NBEAL1: variants seen among roughly 807,000 people sequenced by gnomAD.
NBEAL1 encodes the protein neurobeachin like 1.
Under a neutral mutation model 351.3 loss-of-function variants are expected in NBEAL1, and 273 were observed. The ratio of observed to expected loss-of-function variants is 0.78; its 90% confidence interval spans 0.70 to 0.86. The LOEUF (loss-of-function observed/expected upper bound fraction) is 0.86. Among genes scored for constraint, NBEAL1 ranks in the 40% least tolerant of loss-of-function variants. NBEAL1 has a pLI of 0.00. For synonymous variants in NBEAL1, 1,050 were observed against 1,086.4 expected (o/e 0.97, Z 0.66); for missense variants, 2,961 against 3,201.3 (o/e 0.92, Z 1.81).
chr2:203,133,042 G>T lies in NBEAL1; in HGVS notation c.3725-16G>T. ...CTCTGGTATTTAATTTTAACTTTTT[G>T]TTTTTCCTACCATAGATCCTGTTAT... On this transcript the variant is annotated splice_polypyrimidine_tract_variant and intron_variant, in intron 26 of 55. Transcript: ENST00000683969. 1.6e-6 allele frequency: 2 copies of T among 1,253,690 alleles called. No homozygotes were observed. Among genetic ancestry groups the T allele is most frequent in the South Asian group, 1.4e-5 (1 of 69,634 alleles). 77.7% of individuals were successfully genotyped at this position (1,253,690 alleles called of 1,614,324 possible). A position where few individuals can be genotyped will look rare whatever the true frequency, so the allele number is the denominator to read the frequency against.
chr2:203,109,511 A>T (rs1037126160), intron 14 of NBEAL1, among the ~76,000 whole-genome samples: 1 of 152,040 alleles, frequency 6.6e-6, no homozygotes, highest in Non-Finnish European at 1.5e-5. Flanking sequence ...ACTACTTTTT[A>T]ATATGTCTTG....
At chr2:203,166,439 T>G in intron 37 of NBEAL1, 142 bp downstream of exon 37, 1 of 730,452 alleles carries the variant, frequency 1.4e-6, no homozygotes, top group Non-Finnish European at 2.2e-6. Context: ...GTCAAATTTG[T>G]TATTCACCAA....
chr2:203,174,980 T>C (rs1041259236), intron 41 of NBEAL1, among the ~76,000 whole-genome samples, 167 bp from the exon 42 acceptor site: 14 of 152,138 alleles, frequency 9.2e-5, no homozygotes, highest in African/African-American at 3.4e-4. Flanking sequence ...AAAATTTTTT[T>C]CGTTTTCTAG....
At position 203,166,298 on chromosome 2, in the gene NBEAL1, G is replaced by A. The variant is rs765592381; in HGVS notation, c.5863+1G>A. On this transcript the variant is annotated splice_donor_variant, in intron 37 of 55. Coordinates refer to ENST00000683969, the MANE Select transcript of NBEAL1 (RefSeq NM_001378026.1). LOFTEE classifies it high-confidence loss of function. ...GATGGCAGCATTGAAAAAGAAGATG[G>A]TGAGGAGTTCTGGAAAAAATAATTT... is the stretch of plus-strand genomic sequence containing the variant. 3.8e-6 allele frequency: 6 copies of A among 1,595,916 alleles called. No homozygotes were observed. The highest frequency in any genetic ancestry group is 5.1e-6 in the Non-Finnish European group (6 of 1,175,720).
chr2:203,058,521 G>A (rs2061443837), intron 6 of NBEAL1, among the ~76,000 whole-genome samples: 2 of 152,208 alleles, frequency 1.3e-5, no homozygotes. Flanking sequence ...CAGCACTGAG[G>A]TTCAGACCTC....
intron 31 of NBEAL1, among the ~76,000 whole-genome samples, chr2:203,143,253 A>T (rs2063426052): frequency 6.6e-6 from 1 of 152,194 alleles, no homozygotes; most frequent in Admixed American, 6.5e-5. Flanking sequence ...CTCACTGGGG[A>T]TTAAGGCCAA....
intron 2 of NBEAL1, among the ~76,000 whole-genome samples, chr2:203,019,608 A>G (rs550501439): frequency 5.6e-4 from 85 of 152,282 alleles, no homozygotes; most frequent in African/African-American, 1.9e-3. Flanking sequence ...CCTCCTCCGT[A>G]TTTGCCACAG....
rs760650424 is a variant in NBEAL1 at position 203,138,658 on chromosome 2, A to C, written c.4758A>C (p.Ser1586=). The C allele has an allele frequency of 7.1e-5, 115 of 1,612,460 alleles. 1 individual carries two copies. In the East Asian group the frequency reaches 2.5e-3, roughly 35 times the overall value. Reference sequence around the variant, plus strand: ...TGATGCTGCTCTTTGACTGTCTGTCAGTCTGCTATTCTGAAAGTCCAGTAT... The same window carrying C: ...TGATGCTGCTCTTTGACTGTCTGTCCGTCTGCTATTCTGAAAGTCCAGTAT... ...EDMMLLFDCL[S]VCYSESPVWV... The change falls in exon 31 of 56, where the codon TCA becomes TCC. Residue 1586 remains serine (S), a synonymous_variant. Transcript: ENST00000683969.
At chr2:203,208,603 C>T in intron 51 of NBEAL1, 34 bp from the exon 52 acceptor site, 2 of 1,477,362 alleles carry the variant, frequency 1.4e-6, no homozygotes, top group South Asian at 2.4e-5. Context: ...AACAAGAAAC[C>T]ACCTTTACCT....
At chr2:203,082,585 A>G (rs1371359414) in intron 8 of NBEAL1, among the ~76,000 whole-genome samples, 1 of 152,230 alleles carries the variant, frequency 6.6e-6, no homozygotes, top group South Asian at 2.1e-4. Flanking sequence ...TTTCAGAAAT[A>G]TGTTTGTAGA....
At chr2:203,129,631 ATTC>A (rs1213523535) in intron 24 of NBEAL1, among the ~76,000 whole-genome samples, 2 of 152,206 alleles carry the variant, frequency 1.3e-5, no homozygotes, top group African/African-American at 4.8e-5. Context: ...ATGAATTATT[ATTC>A]TTTTAAGCTA....
At chr2:203,210,884 G>C (rs1032195277) in intron 53 of NBEAL1, 74 bp from the exon 54 acceptor site, 10 of 797,088 alleles carry the variant, frequency 1.3e-5, no homozygotes, top group Non-Finnish European at 1.9e-5. Flanking sequence ...TTCTGTTATA[G>C]TCAGAGTTTT....
chr2:203,164,329 G>C (rs1439481124), intron 36 of NBEAL1, among the ~76,000 whole-genome samples: 4 of 152,006 alleles, frequency 2.6e-5, no homozygotes, highest in Admixed American at 2.6e-4. Flanking sequence ...ACTTGTATTA[G>C]TTCAGTAATT....
At chr2:203,043,581 T>G (rs2061177738) in intron 3 of NBEAL1, among the ~76,000 whole-genome samples, 1 of 151,832 alleles carries the variant, frequency 6.6e-6, no homozygotes, top group Non-Finnish European at 1.5e-5. Context: ...TTTCTACAAA[T>G]AATTAAAAAT....
chr2:203,110,085 T>C, intron 14 of NBEAL1, 65 bp from the exon 15 acceptor site: 1 of 1,418,824 alleles, frequency 7.0e-7, no homozygotes, highest in South Asian at 1.4e-5. Flanking sequence ...TGGTTTTATG[T>C]ACTTTAATGA....
At position 203,174,718 on chromosome 2, in the gene NBEAL1, C is replaced by A. The variant is rs2064438532; in HGVS notation, c.6324-429C>A. Among the ~76,000 whole-genome samples, 6 of 151,868 alleles carry A rather than the reference C, an allele frequency of 4.0e-5. 1 individual carries two copies. In the South Asian group the frequency reaches 1.2e-3, roughly 32 times the overall value. Reference sequence around the variant, plus strand: ...CCATCCTGGCTAACATGGTGAAACCCTGTCTCTACTAAAAATAGAAAAATT... The same window carrying A: ...CCATCCTGGCTAACATGGTGAAACCATGTCTCTACTAAAAATAGAAAAATT... On this transcript the variant is annotated intron_variant, in intron 41 of 55. Coordinates refer to ENST00000683969, the MANE Select transcript of NBEAL1 (RefSeq NM_001378026.1).
intron 48 of NBEAL1, 91 bp from the exon 49 acceptor site, chr2:203,199,247 A>G: frequency 4.3e-6 from 3 of 703,272 alleles, no homozygotes; most frequent in Non-Finnish European, 5.0e-6. Context: ...TCCCTAAGTG[A>G]TAAATGCCAA....
At chr2:203,169,136 T>C (rs2064236663) in intron 38 of NBEAL1, among the ~76,000 whole-genome samples, 1 of 152,030 alleles carries the variant, frequency 6.6e-6, no homozygotes, top group South Asian at 2.1e-4. Context: ...TTATACATGA[T>C]AATTTTTGTA....
chr2:203,195,934 C>G (rs575885146), intron 47 of NBEAL1, among the ~76,000 whole-genome samples: 3 of 152,224 alleles, frequency 2.0e-5, no homozygotes, highest in Admixed American at 1.3e-4. Flanking sequence ...AGTGAGCCAC[C>G]CTTGTCATTG....
Sources: allele counts gnomAD v4.1 joint callset (sites outside exome capture counted in the v4.1 genomes callset), GRCh38; gene constraint gnomAD v4.1.1; transcripts MANE v1.5; gene names NCBI Gene and HGNC (gene_info 2026-07-23, HGNC 2026-07-21).